TTC28: variants seen among roughly 807,000 people sequenced by gnomAD.
TTC28 encodes the protein tetratricopeptide repeat domain 28.
In TTC28, 61 loss-of-function variants were observed where a neutral mutation model predicts 198.0. The ratio of observed to expected loss-of-function variants is 0.31; its 90% CI spans 0.25 to 0.38. The LOEUF (loss-of-function observed/expected upper bound fraction) is 0.38. TTC28 is among the 10% of genes least tolerant of loss of function. The probability of loss-of-function intolerance (pLI) is 1.00; values close to 1 mark genes in which losing one functional copy is unlikely to be tolerated. For missense variants in TTC28, 2,678 were observed against 3,164.0 expected (o/e 0.85, Z 3.69); for synonymous variants, 1,171 against 1,297.8 (o/e 0.90, Z 2.10).
intron 5 of TTC28, among the ~76,000 whole-genome samples, chr22:28,285,076 A>G (rs541858635): frequency 2.0e-5 from 3 of 152,378 alleles, no homozygotes; most frequent in African/African-American, 4.8e-5. Flanking sequence ...TAGCCAAGAT[A>G]TGGAAACAAC....
At chr22:28,587,688 C>T (rs1175205273) in intron 2 of TTC28, among the ~76,000 whole-genome samples, 1 of 151,748 alleles carries the variant, frequency 6.6e-6, no homozygotes, top group Admixed American at 6.6e-5. Flanking sequence ...CTCAAGTGAT[C>T]CCCCCACCTT....
intron 13 of TTC28, among the ~76,000 whole-genome samples, chr22:28,025,121 C>G (rs1938776368): frequency 1.3e-5 from 2 of 151,906 alleles, no homozygotes; most frequent in African/African-American, 4.8e-5. Flanking sequence ...TTTCCAGTGG[C>G]CCTGAGAGAG....
chr22:28,059,537 C>G (rs1312667432), intron 12 of TTC28, among the ~76,000 whole-genome samples: 1 of 151,930 alleles, frequency 6.6e-6, no homozygotes, highest in African/African-American at 2.4e-5. Context: ...ATAATTAGGT[C>G]AAGGTGATTG....
At position 28,604,297 on chromosome 22, in the gene TTC28, T is replaced by TA. The variant is rs1053139903; in HGVS notation, c.381+25254_381+25255insT. Reference sequence around the variant, plus strand: ...AGTCTTAAACAGAAAAAAAAAAAAATTATATATATATATATATATATATAT... The same window carrying TA: ...AGTCTTAAACAGAAAAAAAAAAAAATATATATATATATATATATATATATAT... On this transcript the variant is annotated intron_variant, in intron 2 of 22. Coordinates refer to ENST00000397906, the MANE Select transcript of TTC28 (RefSeq NM_001145418.2). Among the ~76,000 whole-genome samples the TA allele has an allele frequency of 2.4e-3, 279 of 114,104 alleles. 4 individuals carry two copies. Among genetic ancestry groups the TA allele is most frequent in the South Asian group, 0.018 (64 of 3,576 alleles). 74.9% of individuals were successfully genotyped at this position (114,104 alleles called of 152,430 possible). A position where few individuals can be genotyped will look rare whatever the true frequency, so the allele number is the denominator to read the frequency against.
chr22:28,281,983 T>C (rs2044591179), intron 5 of TTC28, among the ~76,000 whole-genome samples: 1 of 152,192 alleles, frequency 6.6e-6, no homozygotes, highest in Non-Finnish European at 1.5e-5. Flanking sequence ...GCCCTCTGAT[T>C]CCTCAATCAA....
chr22:28,188,430 A>T (rs1417072445), intron 5 of TTC28, among the ~76,000 whole-genome samples: 1 of 152,158 alleles, frequency 6.6e-6, no homozygotes, highest in African/African-American at 2.4e-5. Flanking sequence ...GAATTGAGGC[A>T]CTAAGGGCTT....
intron 2 of TTC28, among the ~76,000 whole-genome samples, chr22:28,612,122 A>G (rs2050829195): frequency 6.6e-6 from 1 of 152,162 alleles, no homozygotes; most frequent in Admixed American, 6.5e-5. Context: ...AAATAAAGGA[A>G]TGGAGGAATA....
intron 2 of TTC28, among the ~76,000 whole-genome samples, chr22:28,489,651 T>C (rs751725907): frequency 1.3e-5 from 2 of 152,104 alleles, no homozygotes; most frequent in African/African-American, 2.4e-5. Flanking sequence ...CTAGGTATGG[T>C]GGTGCATGCC....
chr22:28,557,244 C>T (rs2049800668), intron 2 of TTC28, among the ~76,000 whole-genome samples: 1 of 152,188 alleles, frequency 6.6e-6, no homozygotes, highest in African/African-American at 2.4e-5. Flanking sequence ...ATTATCTCTT[C>T]CAATATTGTC....
intron 12 of TTC28, among the ~76,000 whole-genome samples, chr22:28,075,605 T>C (rs1019827559): frequency 8.5e-5 from 13 of 152,216 alleles, no homozygotes; most frequent in Non-Finnish European, 1.3e-4. Flanking sequence ...GGAAATGTGA[T>C]GTAGCAAGCT....
At chr22:28,637,734 G>A (rs1224154062) in intron 1 of TTC28, among the ~76,000 whole-genome samples, 1 of 150,958 alleles carries the variant, frequency 6.6e-6, no homozygotes, top group African/African-American at 2.4e-5. Flanking sequence ...AAAAATTCAG[G>A]ACACAATAAA....
intron 5 of TTC28, among the ~76,000 whole-genome samples, chr22:28,227,873 C>A (rs1325871181): frequency 1.3e-5 from 2 of 152,086 alleles, no homozygotes; most frequent in Admixed American, 6.6e-5. Flanking sequence ...TGGGTATATA[C>A]CCAAAAGAAT....
intron 2 of TTC28, among the ~76,000 whole-genome samples, chr22:28,505,330 C>A (rs1458990747): frequency 1.3e-5 from 2 of 151,684 alleles, no homozygotes; most frequent in South Asian, 4.1e-4. Context: ...GAAGCAGCTG[C>A]GCTCTGCGGC....
rs539180741 is a variant in TTC28, at chr22:28,482,921, G to A, written c.381+146631C>T. 3.4e-4 allele frequency among the ~76,000 whole-genome samples: 52 copies of A among 152,030 alleles called. 2 individuals carry two copies. The South Asian group carries it at 0.01, about 30-fold the overall frequency. ...AATCAGAACTTCATTCCTTTTTATG[G>A]CTGAAAATTTTTCATTATAGGTATA... On this transcript the variant is annotated intron_variant, in intron 2 of 22. Transcript: ENST00000397906.
intron 2 of TTC28, among the ~76,000 whole-genome samples, chr22:28,594,124 T>A (rs755136906): frequency 6.6e-6 from 1 of 152,098 alleles, no homozygotes; most frequent in Non-Finnish European, 1.5e-5. Context: ...GATGTTGAAC[T>A]TAGAACTTTG....
intron 5 of TTC28, among the ~76,000 whole-genome samples, chr22:28,194,272 C>A (rs1276401242): frequency 6.6e-6 from 1 of 152,262 alleles, no homozygotes; most frequent in East Asian, 1.9e-4. Context: ...CTCTGGGACA[C>A]ATTTAAAGCA....
intron 6 of TTC28, among the ~76,000 whole-genome samples, chr22:28,130,829 C>G (rs1017962707): frequency 6.6e-6 from 1 of 152,118 alleles, no homozygotes; most frequent in East Asian, 1.9e-4. Context: ...ACTTTTTACT[C>G]TGGTGACAAC....
intron 5 of TTC28, among the ~76,000 whole-genome samples, chr22:28,269,248 T>C (rs1931891636): frequency 6.6e-6 from 1 of 152,172 alleles, no homozygotes; most frequent in African/African-American, 2.4e-5. Flanking sequence ...GTGGTATCAG[T>C]GGTCTTTGGA....
chr22:28,363,917 G>C (rs1161031304), intron 2 of TTC28, among the ~76,000 whole-genome samples: 2 of 152,142 alleles, frequency 1.3e-5, no homozygotes, highest in African/African-American at 4.8e-5. Context: ...ACTTGCTTTT[G>C]ATTTTACAGG....
Sources: allele counts gnomAD v4.1 joint callset (sites outside exome capture counted in the v4.1 genomes callset), GRCh38; gene constraint gnomAD v4.1.1; transcripts MANE v1.5; gene names NCBI Gene and HGNC (gene_info 2026-07-23, HGNC 2026-07-21).